Variants in STK3 observed in about 807,000 individuals in gnomAD.
STK3 encodes serine/threonine kinase 3.
A neutral mutation model predicts 58.0 loss-of-function variants in STK3; 41 were observed. The observed-to-expected ratio is 0.71, with a 90% CI of 0.55 to 0.92. The LOEUF (loss-of-function observed/expected upper bound fraction) is 0.92. Ranked by LOEUF, STK3 falls within the 40% of genes least tolerant of loss-of-function variation. STK3 has a pLI of 0.00. For missense variants in STK3, 479 were observed against 602.7 expected (o/e 0.79, Z 2.15); for synonymous variants, 170 against 191.0 (o/e 0.89, Z 0.91).
chr8:98,838,930 C>T (rs1835851861), intron 3 of STK3, among the ~76,000 whole-genome samples: 1 of 151,942 alleles, frequency 6.6e-6, no homozygotes, highest in Non-Finnish European at 1.5e-5. Flanking sequence ...AGACCTTTCC[C>T]CCAACACACA....
At chr8:98,632,755 C>T (rs1819354490) in intron 6 of STK3, among the ~76,000 whole-genome samples, 1 of 151,574 alleles carries the variant, frequency 6.6e-6, no homozygotes, top group Admixed American at 6.6e-5. Context: ...TTTATAACAC[C>T]AGTCCTTCCC....
chr8:98,703,434 C>T (rs1825753478), intron 6 of STK3, among the ~76,000 whole-genome samples: 1 of 152,158 alleles, frequency 6.6e-6, no homozygotes, highest in South Asian at 2.1e-4. Flanking sequence ...CAATATTTCA[C>T]TCACTTACCA....
intron 7 of STK3, among the ~76,000 whole-genome samples, chr8:98,584,019 T>C (rs186414946): frequency 8.2e-4 from 125 of 152,266 alleles, no homozygotes; most frequent in Non-Finnish European, 1.4e-3. Flanking sequence ...AAAAAGTATG[T>C]CTTTTAATTT....
At chr8:98,723,784 T>C (rs1309397038) in intron 4 of STK3, among the ~76,000 whole-genome samples, 1 of 152,144 alleles carries the variant, frequency 6.6e-6, no homozygotes, top group Non-Finnish European at 1.5e-5. Context: ...TTTACTTTCA[T>C]AGGCACTTGC....
intron 3 of STK3, among the ~76,000 whole-genome samples, chr8:98,404,832 C>T (rs1332278103): frequency 1.3e-5 from 2 of 152,120 alleles, no homozygotes; most frequent in South Asian, 2.1e-4. Context: ...GCCTGGGCAA[C>T]AGAGTGAGAC....
At chr8:98,579,121 C>A (rs1156948568) in intron 8 of STK3, among the ~76,000 whole-genome samples, 5 of 151,700 alleles carry the variant, frequency 3.3e-5, no homozygotes, top group African/African-American at 1.2e-4. Context: ...ACTGTACTCC[C>A]GCCCAGGTAA....
At chr8:98,581,018 A>G (rs1425072970) in intron 7 of STK3, among the ~76,000 whole-genome samples, 1 of 152,230 alleles carries the variant, frequency 6.6e-6, no homozygotes, top group Admixed American at 6.5e-5. Context: ...TCCTATTAAC[A>G]TATCTGTGGT....
chr8:98,796,169 A>G (rs1833154884), intron 1 of STK3, among the ~76,000 whole-genome samples: 1 of 152,224 alleles, frequency 6.6e-6, no homozygotes, highest in Admixed American at 6.5e-5. Context: ...GAACCAAAAA[A>G]GGGCCTGAAC....
chr8:98,407,757 T>TGTGTGCGC (rs869119517), intron 3 of STK3, among the ~76,000 whole-genome samples: 5 of 131,436 alleles, frequency 3.8e-5, no homozygotes, highest in South Asian at 2.6e-4. Context: ...TGTGTGTGTG[T>TGTGTGCGC]GCGCGCGCGC....
At chr8:98,733,440 T>C (rs1828352855) in intron 4 of STK3, among the ~76,000 whole-genome samples, 1 of 152,166 alleles carries the variant, frequency 6.6e-6, no homozygotes, top group Non-Finnish European at 1.5e-5. Context: ...TAAACCCTAT[T>C]GTGAACTGCA....
intron 6 of STK3, among the ~76,000 whole-genome samples, chr8:98,610,819 T>A (rs994625003): frequency 4.6e-5 from 7 of 152,222 alleles, no homozygotes; most frequent in African/African-American, 1.4e-4. Context: ...ATAATTGACA[T>A]ACTATCCTCA....
chr8:98,436,823 T>C (rs767968740), intron 2 of STK3: 3 of 152,204 alleles, frequency 2.0e-5, no homozygotes, highest in Non-Finnish European at 4.4e-5. Context: ...AGACCACTCA[T>C]GGGGAAACAC....
Position 98,844,761 on chromosome 8 carries a change from G to C in STK3, c.110+38886C>G, listed in dbSNP as rs555092183. On this transcript the variant is annotated intron_variant, in intron 3 of 12. Transcript: ENST00000523601. The stretch of plus-strand genomic sequence containing the variant: ...ATTACAGGTGTGAGCCACTGTGCCC[G>C]GCCCAAACACAGTCTTAAAGAATGT... Among the ~76,000 whole-genome samples the C allele has an allele frequency of 2.0e-5, 3 of 152,190 alleles. No homozygotes were observed. In the South Asian group the frequency reaches 6.2e-4, roughly 32 times the overall value.
intron 1 of STK3, among the ~76,000 whole-genome samples, chr8:98,926,841 G>A (rs1354764943): frequency 6.6e-6 from 1 of 152,200 alleles, no homozygotes; most frequent in Non-Finnish European, 1.5e-5. Flanking sequence ...AGCAAGCTTA[G>A]GTGTGCTATG....
chr8:98,581,698 T>C (rs1036173895), intron 7 of STK3, among the ~76,000 whole-genome samples: 1 of 151,724 alleles, frequency 6.6e-6, no homozygotes, highest in African/African-American at 2.4e-5. Flanking sequence ...TCCAATGTTG[T>C]TTCTGGGTTG....
At chr8:98,510,159 C>T (rs558323122) in intron 10 of STK3, among the ~76,000 whole-genome samples, 19 of 152,168 alleles carry the variant, frequency 1.2e-4, no homozygotes, top group South Asian at 2.1e-4. Context: ...TATTCTAATA[C>T]GTAATGGATT....
intron 3 of STK3, chr8:98,429,436 AC>A: frequency 6.5e-7 from 1 of 1,533,896 alleles, no homozygotes; most frequent in Non-Finnish European, 9.0e-7. Flanking sequence ...GTCACCCTCC[AC>A]CCCACATTGC....
intron 3 of STK3, among the ~76,000 whole-genome samples, chr8:98,406,936 A>T (rs1818000056): frequency 6.6e-6 from 1 of 152,196 alleles, no homozygotes; most frequent in Non-Finnish European, 1.5e-5. Context: ...AGACTGAGAC[A>T]GTCACCCACG....
At chr8:98,584,561 G>C (rs570658800) in intron 7 of STK3, among the ~76,000 whole-genome samples, 2,675 of 148,536 alleles carry the variant, frequency 0.018, 75 homozygotes, top group African/African-American at 0.062. Context: ...ATAAACATAC[G>C]TGTGCATGTG....
Sources: allele counts gnomAD v4.1 joint callset (sites outside exome capture counted in the v4.1 genomes callset), GRCh38; gene constraint gnomAD v4.1.1; transcripts MANE v1.5; gene names NCBI Gene and HGNC (gene_info 2026-07-23, HGNC 2026-07-21).